CYP2C19: variants seen among roughly 807,000 people sequenced by gnomAD.
CYP2C19 encodes cytochrome P450 family 2 subfamily C member 19.
Under a neutral mutation model 40.9 loss-of-function variants are expected in CYP2C19, and 59 were observed. That is an observed-to-expected ratio of 1.44 (90% CI 1.17 to 1.79). CYP2C19 has a LOEUF of 1.79. CYP2C19 is among the 40% of genes most tolerant of loss of function. The pLI is 0.00. For missense variants in CYP2C19, 754 were observed against 596.9 expected (o/e 1.26, Z -2.74); for synonymous variants, 253 against 208.7 (o/e 1.21, Z -1.83).
intron 5 of CYP2C19, among the ~76,000 whole-genome samples, chr10:94,818,351 T>G (rs1849046307): frequency 6.6e-6 from 1 of 151,672 alleles, no homozygotes; most frequent in African/African-American, 2.4e-5. Flanking sequence ...TCTTTTGGCT[T>G]AGGATTGACT....
At chr10:94,817,789 G>C (rs113833279) in intron 5 of CYP2C19, among the ~76,000 whole-genome samples, 1 of 151,924 alleles carries the variant, frequency 6.6e-6, no homozygotes, top group Non-Finnish European at 1.5e-5. Flanking sequence ...CGAGGCGGGC[G>C]GATCACGAGG....
intron 5 of CYP2C19, among the ~76,000 whole-genome samples, chr10:94,818,129 C>T (rs1048920720): frequency 6.7e-6 from 1 of 149,392 alleles, no homozygotes; most frequent in Non-Finnish European, 1.5e-5. Flanking sequence ...TTTCCCAGCA[C>T]CATTTATTAA....
intron 1 of CYP2C19, among the ~76,000 whole-genome samples, chr10:94,771,841 C>T (rs146936435): frequency 0.073 from 11,097 of 152,026 alleles, 473 homozygotes; most frequent in South Asian, 0.12. Flanking sequence ...TTGCACTCAC[C>T]GACACAGCAG....
At chr10:94,776,728 T>C (rs1378813223) in intron 3 of CYP2C19, among the ~76,000 whole-genome samples, 2 of 152,182 alleles carry the variant, frequency 1.3e-5, no homozygotes, top group Non-Finnish European at 2.9e-5. Flanking sequence ...GTATTCCCTT[T>C]GAAAACCAGA....
At chr10:94,800,198 C>T (rs1314099237) in intron 5 of CYP2C19, among the ~76,000 whole-genome samples, 1 of 152,140 alleles carries the variant, frequency 6.6e-6, no homozygotes, top group Non-Finnish European at 1.5e-5. Flanking sequence ...GTGTGAATGT[C>T]CTTTTTGTTG....
chr10:94,779,952 C>T (rs1278398683), intron 3 of CYP2C19, among the ~76,000 whole-genome samples: 1 of 152,110 alleles, frequency 6.6e-6, no homozygotes, highest in Non-Finnish European at 1.5e-5. Context: ...CTATGTTAGA[C>T]ATTCTATTCA....
intron 6 of CYP2C19, among the ~76,000 whole-genome samples, chr10:94,835,710 T>C (rs1033631916): frequency 2.6e-5 from 4 of 152,240 alleles, no homozygotes; most frequent in Admixed American, 2.0e-4. Flanking sequence ...AGTTAGGAAT[T>C]TCCTTTCCCT....
At chr10:94,838,901 T>C (rs892745916) in intron 6 of CYP2C19, among the ~76,000 whole-genome samples, 1 of 152,180 alleles carries the variant, frequency 6.6e-6, no homozygotes, top group Non-Finnish European at 1.5e-5. Context: ...GAAGAGGATA[T>C]CATGGCCAGG....
At chr10:94,845,665 G>T (rs1312857241) in intron 7 of CYP2C19, among the ~76,000 whole-genome samples, 2 of 152,010 alleles carry the variant, frequency 1.3e-5, no homozygotes, top group South Asian at 4.1e-4. Context: ...GAGTAATAAT[G>T]GTCGTGCTTC....
At chr10:94,827,407 A>G (rs1849245954) in intron 6 of CYP2C19, among the ~76,000 whole-genome samples, 2 of 151,932 alleles carry the variant, frequency 1.3e-5, no homozygotes, top group African/African-American at 4.8e-5. Context: ...GTATGTGTCG[A>G]GGAATGTATC....
chr10:94,798,814 A>ATTTTTTTTTT (rs61240923), intron 5 of CYP2C19, among the ~76,000 whole-genome samples: 13 of 67,690 alleles, frequency 1.9e-4, no homozygotes, highest in African/African-American at 4.9e-4. Flanking sequence ...GCAACCCCTG[A>ATTTTTTTTTT]TTTTTTTTTT....
chr10:94,819,120 A>C (rs1849067946), intron 5 of CYP2C19, among the ~76,000 whole-genome samples: 1 of 150,812 alleles, frequency 6.6e-6, no homozygotes, highest in Non-Finnish European at 1.5e-5. Flanking sequence ...GAAACTGAAC[A>C]ACCTGCTCCT....
In CYP2C19 at chr10:94,853,030, C is replaced by G; in HGVS notation, c.*116C>G. ...CCCGTCATCTCACATTTTCCCTTCC[C>G]CCAAGATCTAGTGAACATTCAGCCT... is the stretch of plus-strand genomic sequence containing the variant. On this transcript the variant is annotated 3_prime_UTR_variant, in exon 9 of 9. Transcript: ENST00000371321. The G allele has an allele frequency of 1.7e-6, 2 of 1,147,636 alleles. No individual in the cohort carries two copies. The highest frequency in any genetic ancestry group is 4.6e-5 in the Admixed American group (2 of 43,628). The allele number at this position is 1,147,636 out of a possible 1,614,324, so 71.1% of individuals were successfully genotyped here.
rs534487487 is a variant in CYP2C19, at chr10:94,829,776, C to G, written c.961+9139C>G. Among the ~76,000 whole-genome samples, 51 of 151,624 alleles carry G rather than the reference C, an allele frequency of 3.4e-4. No individual in the cohort carries two copies. In the East Asian group the frequency reaches 8.8e-3, roughly 26 times the overall value. ...TTTTTCTGTTCTGTTTTTTCCCCAT[C>G]TTTGTGGTTTTATCTACTTTTGGTC... On this transcript the variant is annotated intron_variant, in intron 6 of 8. Transcript: ENST00000371321.
At chr10:94,766,511 G>C (rs1848246183) in intron 1 of CYP2C19, among the ~76,000 whole-genome samples, 1 of 152,134 alleles carries the variant, frequency 6.6e-6, no homozygotes, top group South Asian at 2.1e-4. Flanking sequence ...CTATTGCAAA[G>C]AGTATGGTTA....
At position 94,854,419 on chromosome 10, in the gene CYP2C19, G is replaced by A. The variant is rs986638736; in HGVS notation, c.*1505G>A. Reference sequence around the variant, plus strand: ...AGTGGGATGATAATTTTATGCTATTGTCCTAATATAATTAGCCTCATGTCA... The same window carrying A: ...AGTGGGATGATAATTTTATGCTATTATCCTAATATAATTAGCCTCATGTCA... On this transcript the variant is annotated 3_prime_UTR_variant, in exon 9 of 9. Transcript: ENST00000371321. Among the ~76,000 whole-genome samples the A allele has an allele frequency of 5.3e-5, 8 of 151,926 alleles. No individual in the cohort carries two copies. Among genetic ancestry groups the A allele is most frequent in the African/African-American group, 1.9e-4 (8 of 41,350 alleles).
chr10:94,783,925 A>C (rs1445251057), intron 5 of CYP2C19, among the ~76,000 whole-genome samples: 1 of 152,190 alleles, frequency 6.6e-6, no homozygotes, highest in African/African-American at 2.4e-5. Context: ...TTCACACAAC[A>C]TACAATTAAC....
chr10:94,799,316 T>A (rs531952629), intron 5 of CYP2C19, among the ~76,000 whole-genome samples: 103 of 151,864 alleles, frequency 6.8e-4, no homozygotes, highest in African/African-American at 2.3e-3. Flanking sequence ...TCTTTAAGAA[T>A]GTCAAATATT....
chr10:94,806,781 T>C (rs1477412173), intron 5 of CYP2C19, among the ~76,000 whole-genome samples: 1 of 150,738 alleles, frequency 6.6e-6, no homozygotes, highest in Non-Finnish European at 1.5e-5. Context: ...GCACAATAAT[T>C]GTACATATTT....
Sources: allele counts gnomAD v4.1 joint callset (sites outside exome capture counted in the v4.1 genomes callset), GRCh38; gene constraint gnomAD v4.1.1; transcripts MANE v1.5; gene names NCBI Gene and HGNC (gene_info 2026-07-23, HGNC 2026-07-21).